The following CARMIL3 variants were observed in gnomAD, a reference collection of about 807,000 sequenced individuals.
CARMIL3 encodes capping protein, Arp2/3 and myosin-I linker protein 3.
In CARMIL3, 88 loss-of-function variants were observed where a neutral mutation model predicts 180.8. That is an observed-to-expected ratio of 0.49 (90% CI 0.41 to 0.58). CARMIL3 has a LOEUF of 0.58. CARMIL3 is among the 20% of genes least tolerant of loss of function. The probability of loss-of-function intolerance (pLI) is 0.00; values close to 1 mark genes in which losing one functional copy is unlikely to be tolerated. For missense variants in CARMIL3, 1,548 were observed against 1,787.0 expected (o/e 0.87, Z 2.41); for synonymous variants, 696 against 714.5 (o/e 0.97, Z 0.41).
At chr14:24,056,770 T>C (rs1355829879) in intron 12 of CARMIL3, 62 bp downstream of exon 12, 14 of 1,560,392 alleles carry the variant, frequency 9.0e-6, no homozygotes, top group African/African-American at 1.4e-5. Flanking sequence ...GGTGTTGAGC[T>C]CCAGAGGTAC....
chr14:24,059,650 T>C lies in CARMIL3; in HGVS notation c.1800-14T>C. ...GGAGGAGAGGTGCCAAACTGGTGCT[T>C]ACCCTCCCCCCAGAACTATCCTATG... On this transcript the variant is annotated splice_polypyrimidine_tract_variant and intron_variant, in intron 21 of 39. Transcript: ENST00000342740. This position sits in a 1 kb window ranked among gnomAD's most constrained non-coding sequence, Gnocchi z 6.3. 1 of 1,613,686 alleles carries C rather than the reference T, an allele frequency of 6.2e-7. No homozygotes were observed. Among genetic ancestry groups the C allele is most frequent in the Non-Finnish European group, 8.5e-7 (1 of 1,179,830 alleles).
rs965353176 is a variant in CARMIL3 at position 24,052,041 on chromosome 14, C to A, written c.-113C>A. On this transcript the variant is annotated 5_prime_UTR_variant, in exon 1 of 40. Coordinates refer to ENST00000342740, the MANE Select transcript of CARMIL3 (RefSeq NM_138360.4). ...CGCCCCTGACCGGAGCGGGCTCGGC[C>A]GCTGCTGCAGCGCTCAGCGCCCGGG... 9.2e-6 allele frequency: 10 copies of A among 1,086,184 alleles called. No homozygotes were observed. The African/African-American group carries it at 1.2e-4, about 13-fold the overall frequency. 67.3% of individuals were successfully genotyped at this position (1,086,184 alleles called of 1,614,324 possible).
At position 24,059,818 on chromosome 14, in the gene CARMIL3, G is replaced by A; in HGVS notation, c.1868+86G>A. 13 of 1,549,814 alleles carry A rather than the reference G, an allele frequency of 8.4e-6. No homozygotes were observed. The highest frequency in any genetic ancestry group is 1.2e-5 in the Non-Finnish European group (13 of 1,123,646). On this transcript the variant is annotated intron_variant, in intron 22 of 39. Transcript: ENST00000342740. The surrounding 1 kb of genome is among the most constrained non-coding windows in gnomAD (Gnocchi z 6.3). ...CCTGAACTACTCTTGCCCCACCCTA[G>A]CCCCTTTGACCTATTTGCACAGAAA... is the stretch of plus-strand genomic sequence containing the variant.
At chr14:24,068,165 G>C (rs748680921) in intron 36 of CARMIL3, among the ~76,000 whole-genome samples, 2 of 152,232 alleles carry the variant, frequency 1.3e-5, no homozygotes, top group African/African-American at 4.8e-5. Context: ...TTGGGAGACC[G>C]AGGTAGGTGG....
In CARMIL3 at chr14:24,065,646, G is replaced by A. The variant is rs571644681; in HGVS notation, c.3421G>A (p.Glu1141Lys). 28 of 1,613,324 alleles carry A rather than the reference G, an allele frequency of 1.7e-5. No individual in the cohort carries two copies. In the East Asian group the frequency reaches 6.0e-4, roughly 35 times the overall value. ...KMGTEGSEPGEGGPAPGTAQQ... is the reference protein window; with the variant it reads ...KMGTEGSEPGKGGPAPGTAQQ... The stretch of plus-strand genomic sequence containing the variant: ...GGGCACTGAGGGGTCAGAGCCAGGG[G>A]AGGGGGGCCCAGCCCCTGGGACAGC... Residue 1141 changes from glutamate (E) to lysine (K), a missense_variant, in exon 34 of 40, where the codon GAG becomes AAG. Physicochemically the swap from Glu to Lys is moderately conservative, Grantham distance 56. Transcript: ENST00000342740.
Position 24,059,119 on chromosome 14 carries a change from C to A in CARMIL3, c.1572-16C>A. ...CCAGCCCTTCCCCTCCTACTCTGAG[C>A]CCCGCCTCCCTGCAGGACCCTGGAG... On this transcript the variant is annotated splice_polypyrimidine_tract_variant and intron_variant, in intron 19 of 39. Transcript: ENST00000342740. The surrounding 1 kb of genome is among the most constrained non-coding windows in gnomAD (Gnocchi z 6.3). The A allele has an allele frequency of 1.3e-6, 2 of 1,593,226 alleles. No individual in the cohort carries two copies. The highest frequency in any genetic ancestry group is 1.7e-6 in the Non-Finnish European group (2 of 1,170,180).
rs1357317208 is a variant in CARMIL3 at position 24,062,585 on chromosome 14, G to T, written c.2568+18G>T. 1.2e-6 allele frequency: 2 copies of T among 1,613,954 alleles called. No individual in the cohort carries two copies. The highest frequency in any genetic ancestry group is 1.7e-5 in the Admixed American group (1 of 60,022). On this transcript the variant is annotated intron_variant, in intron 28 of 39. Coordinates refer to ENST00000342740, the MANE Select transcript of CARMIL3 (RefSeq NM_138360.4). The stretch of plus-strand genomic sequence containing the variant: ...AGAGCCTGGTAAGGCTTCTTCTGCA[G>T]CCTGGCCTGGCTCGGGCACGCCCTC...
chr14:24,060,807 G>T, intron 25 of CARMIL3, 51 bp downstream of exon 25: 4 of 1,593,702 alleles, frequency 2.5e-6, no homozygotes, highest in Non-Finnish European at 3.4e-6. Flanking sequence ...AACCCAAGAA[G>T]GCCGACCATG....
At position 24,059,366 on chromosome 14, in the gene CARMIL3, G is replaced by C; in HGVS notation, c.1723G>C (p.Asp575His). Residue 575 changes from aspartate to histidine, a missense_variant, in exon 21 of 40, where the codon GAT (aspartate) becomes CAT (histidine). By Grantham distance (81) the Asp-to-His change is moderately conservative (BLOSUM62 -1). This residue lies in a region of CARMIL3 where 297 missense variants were observed against 415.9 expected (regional missense o/e 0.71). Transcript: ENST00000342740. The surrounding 1 kb of genome is among the most constrained non-coding windows in gnomAD (Gnocchi z 6.3). ...CAGCAACACCTGCCTGGCCAAGGTG[G>C]ATCTGAGCGGCAATGGCATGGAGGA... ...LGSNTCLAKV[D>H]LSGNGMEDIG... 1 of 1,613,410 alleles carries C rather than the reference G, an allele frequency of 6.2e-7. No individual in the cohort carries two copies. The highest frequency in any genetic ancestry group is 8.5e-7 in the Non-Finnish European group (1 of 1,179,732).
rs1400172692 is a variant in CARMIL3, at chr14:24,058,797, G to A, written c.1474+36G>A. On this transcript the variant is annotated intron_variant, in intron 18 of 39. Transcript: ENST00000342740. The surrounding 1 kb of genome is among the most constrained non-coding windows in gnomAD (Gnocchi z 6.4). ...GTTCCTCCCTTCCCTGGGGCCAGGG[G>A]AGAACAGGGGCCTGGAGCATGCAGA... The A allele has an allele frequency of 3.1e-6, 5 of 1,612,474 alleles. No individual in the cohort carries two copies. The highest frequency in any genetic ancestry group is 3.3e-4 in the Middle Eastern group (2 of 6,058).
rs1346446983 is a variant in CARMIL3, at chr14:24,059,260, G to GT, written c.1627-10_1627-9insT. ...TGGGGACTGGGTCCAACCGCCCCTT[G>GT]CCCACACAGTCCCTGCAGTCACTGT... On this transcript the variant is annotated splice_polypyrimidine_tract_variant and intron_variant, in intron 20 of 39. Coordinates refer to ENST00000342740, the MANE Select transcript of CARMIL3 (RefSeq NM_138360.4). This position sits in a 1 kb window ranked among gnomAD's most constrained non-coding sequence, Gnocchi z 6.3. 28 of 1,613,688 alleles carry GT rather than the reference G, an allele frequency of 1.7e-5. No homozygotes were observed. The highest frequency in any genetic ancestry group is 1.5e-4 in the Admixed American group (9 of 60,006).
In CARMIL3 at chr14:24,054,197, C is replaced by A. The variant is rs750275165; in HGVS notation, c.187-45C>A. 3 of 1,614,018 alleles carry A rather than the reference C, an allele frequency of 1.9e-6. No individual in the cohort carries two copies. The highest frequency in any genetic ancestry group is 2.5e-6 in the Non-Finnish European group (3 of 1,179,878). On this transcript the variant is annotated intron_variant, in intron 3 of 39. Coordinates refer to ENST00000342740, the MANE Select transcript of CARMIL3 (RefSeq NM_138360.4). The surrounding 1 kb of genome is among the most constrained non-coding windows in gnomAD (Gnocchi z 5.1). ...CATGCTCCCTACCTCCCAAGCCTGG[C>A]AACCCAGGTCCTTACCAGGAGCTGA...
chr14:24,056,657 C>T lies in CARMIL3; in HGVS notation c.901C>T (p.Pro301Ser). The T allele has an allele frequency of 3.7e-6, 6 of 1,613,870 alleles. No homozygotes were observed. The highest frequency in any genetic ancestry group is 2.2e-5 in the East Asian group (1 of 44,884). The change falls in exon 12 of 40, where the codon CCC (proline) becomes TCC (serine). Residue 301 changes from proline (P) to serine (S), a missense_variant. Around this residue, in one of 4 missense-constraint regions of CARMIL3, gnomAD observed 578 missense variants for 666.5 expected, o/e 0.87. Transcript: ENST00000342740. Reference protein sequence around the residue: ...LSLSQQLLCFPSGLTKLCLAK... With the variant: ...LSLSQQLLCFSSGLTKLCLAK... ...TCTGAGCCAGCAGCTCCTCTGCTTCCCCTCTGGCCTCACCAAACTGTGCCT... is the reference window on the plus strand; with the variant it reads ...TCTGAGCCAGCAGCTCCTCTGCTTCTCCTCTGGCCTCACCAAACTGTGCCT...
chr14:24,069,709 G>T lies in CARMIL3; in HGVS notation c.*305G>T. The stretch of plus-strand genomic sequence containing the variant: ...CAGGGACTCTCTCCCCTCTTGTATA[G>T]AATAAAAAAACAAAATCATCGCCTG... On this transcript the variant is annotated 3_prime_UTR_variant, in exon 40 of 40. Coordinates refer to ENST00000342740, the MANE Select transcript of CARMIL3 (RefSeq NM_138360.4). 1 of 416,876 alleles carries T rather than the reference G, an allele frequency of 2.4e-6. No homozygotes were observed. The highest frequency in any genetic ancestry group is 4.3e-6 in the Non-Finnish European group (1 of 232,792). 25.8% of individuals were successfully genotyped at this position (416,876 alleles called of 1,614,324 possible).
chr14:24,060,937 G>A lies in CARMIL3; in HGVS notation c.2201G>A (p.Ser734Asn). 6.4e-7 allele frequency: 1 copy of A among 1,551,686 alleles called. No individual in the cohort carries two copies. Residue 734 changes from serine (S) to asparagine (N), a missense_variant, in exon 26 of 40, where the codon AGC (serine) becomes AAC (asparagine). Physicochemically the swap from Ser to Asn is conservative, Grantham distance 46. Coordinates refer to ENST00000342740, the MANE Select transcript of CARMIL3 (RefSeq NM_138360.4). ...DAKNSRALFPSLYELGHVLAN... is the reference protein window; with the variant it reads ...DAKNSRALFPNLYELGHVLAN... ...CCCTTCCTTCTCCAGCTGTTTCCCA[G>A]CCTCTATGAGCTGGGCCACGTGCTG... is the stretch of plus-strand genomic sequence containing the variant.
Position 24,061,811 on chromosome 14 carries a change from C to A in CARMIL3, c.2480+139C>A. On this transcript the variant is annotated intron_variant, in intron 27 of 39. Coordinates refer to ENST00000342740, the MANE Select transcript of CARMIL3 (RefSeq NM_138360.4). The surrounding 1 kb of genome is among the most constrained non-coding windows in gnomAD (Gnocchi z 4.1). ...AGGATCAATCTTTAACCAAGTGCAA[C>A]CTTGCTATTTAGGGTCTGGCTGGTC... The A allele has an allele frequency of 9.7e-7, 1 of 1,027,868 alleles. No homozygotes were observed. The highest frequency in any genetic ancestry group is 1.4e-6 in the Non-Finnish European group (1 of 726,032). The allele number at this position is 1,027,868 out of a possible 1,614,324, so 63.7% of individuals were successfully genotyped here.
rs773330961 is a variant in CARMIL3, at chr14:24,055,323, G to A, written c.605+13G>A. The A allele has an allele frequency of 9.9e-6, 16 of 1,613,696 alleles. No homozygotes were observed. Among genetic ancestry groups the A allele is most frequent in the Non-Finnish European group, 1.2e-5 (14 of 1,179,844 alleles). On this transcript the variant is annotated intron_variant, in intron 8 of 39. Coordinates refer to ENST00000342740, the MANE Select transcript of CARMIL3 (RefSeq NM_138360.4). ...ACTTGGAGAGCCGGTAAGCAGATGG[G>A]GCAGAGACTCCACCCTCAAATTCCC...
In CARMIL3 at chr14:24,065,649, G is replaced by C; in HGVS notation, c.3424G>C (p.Gly1142Arg). 1 of 1,613,312 alleles carries C rather than the reference G, an allele frequency of 6.2e-7. No individual in the cohort carries two copies. The highest frequency in any genetic ancestry group is 1.7e-5 in the Admixed American group (1 of 59,932). ...CACTGAGGGGTCAGAGCCAGGGGAG[G>C]GGGGCCCAGCCCCTGGGACAGCACA... ...MGTEGSEPGEGGPAPGTAQQP... is the reference protein window; with the variant it reads ...MGTEGSEPGERGPAPGTAQQP... Residue 1142 changes from glycine (G) to arginine (R), a missense_variant, in exon 34 of 40, where the codon GGG becomes CGG. By Grantham distance (125) the Gly-to-Arg change is moderately radical. Transcript: ENST00000342740.
chr14:24,052,941 C>T (rs1283422124), intron 1 of CARMIL3, among the ~76,000 whole-genome samples: 4 of 152,188 alleles, frequency 2.6e-5, no homozygotes, highest in Admixed American at 6.5e-5. Context: ...GCAGGATGCT[C>T]GTGGATACTC....
Sources: allele counts gnomAD v4.1 joint callset (sites outside exome capture counted in the v4.1 genomes callset), GRCh38; gene constraint gnomAD v4.1.1; regional missense constraint gnomAD v4.1.1; non-coding constraint Gnocchi (gnomAD v3.1); transcripts MANE v1.5; gene names NCBI Gene and HGNC (gene_info 2026-07-23, HGNC 2026-07-21).